The following MTMR7 variants were observed in gnomAD, a reference collection of about 807,000 sequenced individuals.
MTMR7 encodes myotubularin related protein 7.
Under a neutral mutation model 81.2 loss-of-function variants are expected in MTMR7, and 76 were observed. The observed-to-expected ratio is 0.94, with a 90% CI of 0.78 to 1.13. MTMR7 has a LOEUF of 1.13. MTMR7 is among the 50% of genes most tolerant of loss of function. The probability of loss-of-function intolerance (pLI) is 0.00; values close to 1 mark genes in which losing one functional copy is unlikely to be tolerated. For synonymous variants in MTMR7, 372 were observed against 289.8 expected, an observed-to-expected ratio of 1.28 and a Z score of -2.88; for missense variants, 1,044 against 820.0, an observed-to-expected ratio of 1.27 and a Z score of -3.34.
At chr8:17,370,224 T>G (rs919612504) in intron 3 of MTMR7, among the ~76,000 whole-genome samples, 1 of 151,620 alleles carries the variant, frequency 6.6e-6, no homozygotes, top group African/African-American at 2.4e-5. Flanking sequence ...AATAAATTAT[T>G]ATCAAAAAGC....
chr8:17,348,317 C>T (rs1819622855), intron 5 of MTMR7, among the ~76,000 whole-genome samples: 1 of 151,880 alleles, frequency 6.6e-6, no homozygotes, highest in Admixed American at 6.6e-5. Context: ...GCAGGTGGGT[C>T]ACCTGTGGTC....
chr8:17,334,449 T>C (rs552540635), intron 6 of MTMR7, among the ~76,000 whole-genome samples: 2 of 152,204 alleles, frequency 1.3e-5, no homozygotes, highest in South Asian at 2.1e-4. Flanking sequence ...AGTTCTCAAG[T>C]AGATAAAGCA....
Position 17,297,938 on chromosome 8 carries a change from A to G in MTMR7, c.*1924T>C, listed in dbSNP as rs1816827246. 6.6e-6 allele frequency: 1 copy of G among 152,102 alleles called. No homozygotes were observed. Among genetic ancestry groups the G allele is most frequent in the African/African-American group, 2.4e-5 (1 of 41,458 alleles). The allele number at this position is 152,102 out of a possible 1,614,324, so 9.4% of individuals were successfully genotyped here. A position where few individuals can be genotyped will look rare whatever the true frequency, so the allele number is the denominator to read the frequency against. On this transcript the variant is annotated 3_prime_UTR_variant, in exon 14 of 14. Coordinates refer to ENST00000180173, the MANE Select transcript of MTMR7 (RefSeq NM_004686.5). ...TAAAAGTTTATGACTCTGATATGGA[A>G]GTTGTCATATTAAAAAACTACATTT...
intron 1 of MTMR7, among the ~76,000 whole-genome samples, chr8:17,396,352 C>T (rs976625880): frequency 2.6e-5 from 4 of 152,098 alleles, no homozygotes; most frequent in African/African-American, 9.7e-5. Context: ...CTTGAATTGC[C>T]GAGGCAACCT....
At chr8:17,305,641 G>A in intron 11 of MTMR7, 116 bp downstream of exon 11, 1 of 803,752 alleles carries the variant, frequency 1.2e-6, no homozygotes, top group South Asian at 1.8e-5. Flanking sequence ...TAATCTGTCA[G>A]TATAGGTATG....
At position 17,373,186 on chromosome 8, in the gene MTMR7, T is replaced by C; in HGVS notation, c.79A>G (p.Thr27Ala). The stretch of plus-strand genomic sequence containing the variant: ...ACATGGGTAGCCGTCAAATACAAAG[T>C]ACCTAGAGCTGCTTTTTTAGGAGAC... ...RVSPKKAALG[T>A]LYLTATHVIF... Residue 27 changes from threonine (T) to alanine (A), a missense_variant, in exon 2 of 14, where the codon ACT becomes GCT. Coordinates refer to ENST00000180173, the MANE Select transcript of MTMR7 (RefSeq NM_004686.5). 1 of 1,613,726 alleles carries C rather than the reference T, an allele frequency of 6.2e-7. No homozygotes were observed.
chr8:17,321,885 G>C (rs1362369916), intron 7 of MTMR7, among the ~76,000 whole-genome samples: 3 of 152,256 alleles, frequency 2.0e-5, no homozygotes, highest in Non-Finnish European at 2.9e-5. Flanking sequence ...AAAGACAAAA[G>C]ATATAATTTT....
At chr8:17,369,217 C>G (rs187376681) in intron 3 of MTMR7, among the ~76,000 whole-genome samples, 4 of 152,232 alleles carry the variant, frequency 2.6e-5, no homozygotes, top group African/African-American at 9.6e-5. Flanking sequence ...CCCAGAACTT[C>G]TGTTCCAATT....
At chr8:17,390,840 G>A (rs1318294187) in intron 1 of MTMR7, among the ~76,000 whole-genome samples, 1 of 152,136 alleles carries the variant, frequency 6.6e-6, no homozygotes, top group Admixed American at 6.5e-5. Context: ...GAGTAGTAAG[G>A]GGAAACCACC....
intron 5 of MTMR7, among the ~76,000 whole-genome samples, chr8:17,344,659 C>G (rs1017268865): frequency 6.6e-6 from 1 of 152,134 alleles, no homozygotes; most frequent in Non-Finnish European, 1.5e-5. Context: ...ACCAGTTGTG[C>G]TCTCACTCAC....
At chr8:17,404,969 G>C (rs1030962632) in intron 1 of MTMR7, among the ~76,000 whole-genome samples, 1 of 152,164 alleles carries the variant, frequency 6.6e-6, no homozygotes, top group Non-Finnish European at 1.5e-5. Context: ...AGGATTACAA[G>C]CACTGGCCGC....
intron 5 of MTMR7, among the ~76,000 whole-genome samples, chr8:17,343,124 C>T (rs958033336): frequency 4.6e-5 from 7 of 152,038 alleles, no homozygotes; most frequent in East Asian, 1.9e-4. Context: ...ATACTTTATC[C>T]GGGTTAAAGA....
chr8:17,380,849 C>T (rs1004267396), intron 1 of MTMR7, among the ~76,000 whole-genome samples: 4 of 152,116 alleles, frequency 2.6e-5, no homozygotes, highest in African/African-American at 9.7e-5. Flanking sequence ...AAATAGAATG[C>T]TTTAAGACAA....
chr8:17,311,322 T>C (rs185117926), intron 9 of MTMR7, among the ~76,000 whole-genome samples, 189 bp downstream of exon 9: 23 of 152,326 alleles, frequency 1.5e-4, no homozygotes, highest in Admixed American at 1.4e-3. Flanking sequence ...AATTCATCTC[T>C]TTATTCCAAG....
chr8:17,324,266 A>T (rs1464964548), intron 7 of MTMR7, among the ~76,000 whole-genome samples: 1 of 152,198 alleles, frequency 6.6e-6, no homozygotes, highest in Non-Finnish European at 1.5e-5. Context: ...TGATGAATAG[A>T]TGAGCGTCTG....
chr8:17,382,152 T>C (rs1396465631), intron 1 of MTMR7, among the ~76,000 whole-genome samples: 1 of 152,166 alleles, frequency 6.6e-6, no homozygotes, highest in Non-Finnish European at 1.5e-5. Flanking sequence ...TGTGACTTAC[T>C]GAGGAAAGGA....
chr8:17,353,269 G>C (rs1314548534), intron 4 of MTMR7, among the ~76,000 whole-genome samples: 1 of 152,148 alleles, frequency 6.6e-6, no homozygotes, highest in African/African-American at 2.4e-5. Flanking sequence ...TAGAATGATG[G>C]TTGCCAGGGG....
chr8:17,325,712 C>A (rs1818647386), intron 7 of MTMR7, among the ~76,000 whole-genome samples: 1 of 152,198 alleles, frequency 6.6e-6, no homozygotes, highest in African/African-American at 2.4e-5. Context: ...TTTATTAAAT[C>A]ATTTTTGATG....
intron 1 of MTMR7, among the ~76,000 whole-genome samples, chr8:17,379,793 T>G (rs1820704696): frequency 6.6e-6 from 1 of 152,130 alleles, no homozygotes; most frequent in African/African-American, 2.4e-5. Flanking sequence ...GATTGTTTGT[T>G]TTTGTTTTTG....
Sources: gnomAD v4.1 joint callset for allele counts (sites outside exome capture counted in the v4.1 genomes callset) on GRCh38, gnomAD v4.1.1 for gene constraint, MANE v1.5 for transcripts, NCBI Gene and HGNC (gene_info 2026-07-23, HGNC 2026-07-21) for gene names.